The following KCND2 variants were observed in gnomAD, a reference collection of about 807,000 sequenced individuals.
KCND2 encodes the protein potassium voltage-gated channel subfamily D member 2.
Under a neutral mutation model 54.4 loss-of-function variants are expected in KCND2, and 16 were observed. The ratio of observed to expected loss-of-function variants is 0.29; its 90% CI spans 0.20 to 0.45. KCND2 has a LOEUF of 0.45. KCND2 is among the 20% of genes least tolerant of loss of function. The pLI, the probability that KCND2 is intolerant of heterozygous loss-of-function variation, is 1.00. For synonymous variants in KCND2, 317 were observed against 310.7 expected, an observed-to-expected ratio of 1.02 and a Z score of -0.21; for missense variants, 486 against 824.2, an observed-to-expected ratio of 0.59 and a Z score of 5.02.
chr7:120,664,385 A>G (rs971683511), intron 1 of KCND2, among the ~76,000 whole-genome samples: 1 of 152,068 alleles, frequency 6.6e-6, no homozygotes, highest in Admixed American at 6.5e-5. Flanking sequence ...CCAAATTTGT[A>G]TCTTGGTATT....
chr7:120,612,165 T>G (rs985001916), intron 1 of KCND2, among the ~76,000 whole-genome samples: 1 of 152,204 alleles, frequency 6.6e-6, no homozygotes, highest in Non-Finnish European at 1.5e-5. Flanking sequence ...CATTGCTAAT[T>G]TGGCCCTGAA....
At chr7:120,636,023 C>A (rs982868125) in intron 1 of KCND2, among the ~76,000 whole-genome samples, 3 of 152,102 alleles carry the variant, frequency 2.0e-5, no homozygotes, top group African/African-American at 7.2e-5. Flanking sequence ...GCAACTGTGG[C>A]CTTCCTGCTC....
chr7:120,677,128 C>G lies in KCND2; in HGVS notation c.1116-55775C>G, dbSNP rs986926503. Reference sequence around the variant, plus strand: ...TGATCAGCCTGTCAGGACTTAAGAGCAGAGGGTGACTAGCACAAAGTCTTT... The same window carrying G: ...TGATCAGCCTGTCAGGACTTAAGAGGAGAGGGTGACTAGCACAAAGTCTTT... On this transcript the variant is annotated intron_variant, in intron 1 of 5. Transcript: ENST00000331113. Among the ~76,000 whole-genome samples, 19 of 152,194 alleles carry G rather than the reference C, an allele frequency of 1.2e-4. No homozygotes were observed. In the East Asian group the frequency reaches 2.3e-3, roughly 19 times the overall value.
chr7:120,513,683 G>A (rs558797450), intron 1 of KCND2, among the ~76,000 whole-genome samples: 6 of 151,794 alleles, frequency 4.0e-5, no homozygotes, highest in East Asian at 1.9e-4. Flanking sequence ...TGTTGATTTC[G>A]TTTTTTGTTT....
intron 1 of KCND2, among the ~76,000 whole-genome samples, chr7:120,557,400 G>T (rs1373732385): frequency 6.6e-6 from 1 of 152,004 alleles, no homozygotes; most frequent in Non-Finnish European, 1.5e-5. Flanking sequence ...TTAGATAGAA[G>T]AAATAAGACC....
At chr7:120,397,989 GTGTGTGTA>G (rs1446020648) in intron 1 of KCND2, among the ~76,000 whole-genome samples, 15 of 40,356 alleles carry the variant, frequency 3.7e-4, no homozygotes, top group African/African-American at 6.0e-4. Context: ...GTGTGTGTGT[GTGTGTGTA>G]TATATATATA....
chr7:120,552,408 C>T (rs1352643811), intron 1 of KCND2, among the ~76,000 whole-genome samples: 2 of 152,094 alleles, frequency 1.3e-5, no homozygotes, highest in African/African-American at 4.8e-5. Flanking sequence ...TGTCTGGGTT[C>T]TGTAACAAAA....
intron 1 of KCND2, among the ~76,000 whole-genome samples, chr7:120,684,227 A>C (rs569919907): frequency 6.6e-6 from 1 of 152,234 alleles, no homozygotes; most frequent in East Asian, 1.9e-4. Context: ...CAGAAACAGC[A>C]AGTTCACGTT....
chr7:120,448,957 C>T (rs1307788389), intron 1 of KCND2, among the ~76,000 whole-genome samples: 2 of 152,166 alleles, frequency 1.3e-5, no homozygotes, highest in Non-Finnish European at 2.9e-5. Flanking sequence ...CTAAATTAAA[C>T]TTGTATTAAT....
chr7:120,645,852 T>C (rs1303983676), intron 1 of KCND2, among the ~76,000 whole-genome samples: 3 of 152,204 alleles, frequency 2.0e-5, no homozygotes, highest in Non-Finnish European at 4.4e-5. Context: ...TTGTGTTCAG[T>C]GACAAAATAG....
intron 1 of KCND2, among the ~76,000 whole-genome samples, chr7:120,704,617 A>G (rs1792443074): frequency 6.6e-6 from 1 of 152,240 alleles, no homozygotes; most frequent in African/African-American, 2.4e-5. Flanking sequence ...AAGAAAAGAA[A>G]CACGTAATAA....
chr7:120,390,109 A>T (rs1801051230), intron 1 of KCND2, among the ~76,000 whole-genome samples: 1 of 151,956 alleles, frequency 6.6e-6, no homozygotes, highest in South Asian at 2.1e-4. Context: ...TTTTACTACC[A>T]GGTTCCATAA....
intron 1 of KCND2, among the ~76,000 whole-genome samples, chr7:120,629,893 A>C (rs1039536438): frequency 6.6e-5 from 10 of 152,188 alleles, no homozygotes; most frequent in African/African-American, 2.4e-4. Flanking sequence ...TCTGGTTTTG[A>C]ATATATAGAG....
intron 1 of KCND2, among the ~76,000 whole-genome samples, chr7:120,649,214 T>C (rs1297591578): frequency 6.6e-6 from 1 of 152,132 alleles, no homozygotes; most frequent in East Asian, 1.9e-4. Flanking sequence ...TGTTTTTTTT[T>C]TTCATTTCAG....
chr7:120,616,226 T>C (rs559724638), intron 1 of KCND2, among the ~76,000 whole-genome samples: 2 of 152,306 alleles, frequency 1.3e-5, no homozygotes, highest in East Asian at 3.9e-4. Context: ...TTACTAACTA[T>C]GTAATCTAAG....
rs558262121 is a variant in KCND2, at chr7:120,735,937, A to G, written c.1278+2872A>G. 3.8e-3 allele frequency among the ~76,000 whole-genome samples: 583 copies of G among 151,980 alleles called. 2 individuals are homozygous for G. Among genetic ancestry groups the G allele is most frequent in the African/African-American group, 0.014 (560 of 41,478 alleles). ...TTTTCCTTCCCAAGAGATTAGGGGGAAAAAAAAGCAGAACAAACGCCCATT... is the reference window on the plus strand; with the variant it reads ...TTTTCCTTCCCAAGAGATTAGGGGGGAAAAAAAGCAGAACAAACGCCCATT... On this transcript the variant is annotated intron_variant, in intron 2 of 5. Transcript: ENST00000331113.
intron 1 of KCND2, among the ~76,000 whole-genome samples, chr7:120,403,345 C>A (rs953496961): frequency 1.3e-5 from 2 of 151,056 alleles, no homozygotes; most frequent in African/African-American, 4.9e-5. Flanking sequence ...TAGACAGAGT[C>A]TCCCTCGGTC....
At chr7:120,376,440 A>G (rs938861608) in intron 1 of KCND2, among the ~76,000 whole-genome samples, 5 of 151,240 alleles carry the variant, frequency 3.3e-5, no homozygotes, top group Non-Finnish European at 5.9e-5. Context: ...CTATCTGCCT[A>G]TTGTTACAGT....
chr7:120,513,870 A>G (rs574835217), intron 1 of KCND2, among the ~76,000 whole-genome samples: 16 of 152,230 alleles, frequency 1.1e-4, no homozygotes, highest in African/African-American at 3.8e-4. Context: ...AAACTACTCT[A>G]TAGTTCAGGA....
Sources: allele counts gnomAD v4.1 joint callset (sites outside exome capture counted in the v4.1 genomes callset), GRCh38; gene constraint gnomAD v4.1.1; transcripts MANE v1.5; gene names NCBI Gene and HGNC (gene_info 2026-07-23, HGNC 2026-07-21).